Variants in CDK14 observed in about 807,000 individuals in gnomAD.
CDK14 encodes the protein cyclin dependent kinase 14.
CDK14 carries 34 observed loss-of-function variants against 60.7 expected under a neutral mutation model. The ratio of observed to expected loss-of-function variants is 0.56; its 90% CI spans 0.43 to 0.75. The LOEUF (loss-of-function observed/expected upper bound fraction) is 0.75, where lower values mean the gene tolerates loss of function less well. Ranked by LOEUF, CDK14 falls within the 30% of genes least tolerant of loss-of-function variation. The probability of loss-of-function intolerance (pLI) is 0.00; values close to 1 mark genes in which losing one functional copy is unlikely to be tolerated. For missense variants in CDK14, 482 were observed against 564.1 expected, an observed-to-expected ratio of 0.85 and a Z score of 1.47; for synonymous variants, 197 against 203.7, an observed-to-expected ratio of 0.97 and a Z score of 0.28.
At chr7:90,911,637 G>T (rs147685596) in intron 7 of CDK14, among the ~76,000 whole-genome samples, 5 of 148,674 alleles carry the variant, frequency 3.4e-5, no homozygotes, top group African/African-American at 1.2e-4. Context: ...CATTCATGGA[G>T]CAGGACACCT....
chr7:91,044,589 C>T (rs1021308291), intron 10 of CDK14, among the ~76,000 whole-genome samples: 1 of 152,132 alleles, frequency 6.6e-6, no homozygotes, highest in African/African-American at 2.4e-5. Flanking sequence ...ATGGCCTGAG[C>T]TGGTTTTTCA....
At chr7:90,788,889 T>G (rs1805710205) in intron 4 of CDK14, among the ~76,000 whole-genome samples, 3 of 152,248 alleles carry the variant, frequency 2.0e-5, no homozygotes, top group East Asian at 1.9e-4. Context: ...CCTATTAAAT[T>G]GGCAAAATCA....
intron 2 of CDK14, among the ~76,000 whole-genome samples, chr7:90,619,424 A>G (rs1252356546): frequency 6.6e-6 from 1 of 152,208 alleles, no homozygotes; most frequent in Non-Finnish European, 1.5e-5. Flanking sequence ...GTTCCATAAA[A>G]TGATATTTAC....
intron 2 of CDK14, among the ~76,000 whole-genome samples, chr7:90,614,006 CTTT>C (rs34900577): frequency 6.1e-5 from 8 of 130,796 alleles, no homozygotes; most frequent in Admixed American, 7.8e-5. Context: ...GTCCCAAACA[CTTT>C]TTTTTTTTTT....
chr7:90,965,500 AG>A (rs1322619183), intron 9 of CDK14, among the ~76,000 whole-genome samples: 4 of 152,162 alleles, frequency 2.6e-5, no homozygotes, highest in African/African-American at 9.7e-5. Context: ...TTAGTTGGAG[AG>A]GGAGTCATGG....
At chr7:90,732,316 C>T (rs1459800093) in intron 3 of CDK14, among the ~76,000 whole-genome samples, 3 of 152,040 alleles carry the variant, frequency 2.0e-5, no homozygotes, top group Non-Finnish European at 4.4e-5. Flanking sequence ...TTTGTTGTGT[C>T]TCTGCCAGGC....
At chr7:90,905,231 C>G (rs75768485) in intron 7 of CDK14, among the ~76,000 whole-genome samples, 4,244 of 152,110 alleles carry the variant, frequency 0.028, 196 homozygotes, top group East Asian at 0.18. Context: ...CTAGAAGTCT[C>G]CAGGAGAGAT....
intron 2 of CDK14, among the ~76,000 whole-genome samples, chr7:90,668,037 T>A (rs1801020961): frequency 6.6e-6 from 1 of 152,266 alleles, no homozygotes; most frequent in Non-Finnish European, 1.5e-5. Flanking sequence ...TTTTAATTTT[T>A]CTTAGTGGGT....
intron 5 of CDK14, among the ~76,000 whole-genome samples, chr7:90,801,321 A>G (rs1788624334): frequency 1.3e-5 from 2 of 152,138 alleles, no homozygotes; most frequent in East Asian, 3.9e-4. Flanking sequence ...AACTTTCTCC[A>G]ATGTGATTTA....
At chr7:91,145,438 A>T (rs896403668) in intron 14 of CDK14, among the ~76,000 whole-genome samples, 15 of 152,226 alleles carry the variant, frequency 9.9e-5, no homozygotes, top group East Asian at 3.9e-4. Context: ...TCGCAAAAAA[A>T]TTTTAATTAC....
At chr7:90,879,872 G>C (rs536027322) in intron 6 of CDK14, among the ~76,000 whole-genome samples, 1 of 151,962 alleles carries the variant, frequency 6.6e-6, no homozygotes, top group Non-Finnish European at 1.5e-5. Flanking sequence ...ACACGGGAAA[G>C]GGGAGCCCCC....
At chr7:90,950,835 C>T (rs913549177) in intron 8 of CDK14, among the ~76,000 whole-genome samples, 5 of 152,110 alleles carry the variant, frequency 3.3e-5, no homozygotes, top group Non-Finnish European at 7.4e-5. Flanking sequence ...TAAATGGAGT[C>T]ATTCAGGGAA....
At chr7:90,715,466 A>T (rs989336439) in intron 2 of CDK14, among the ~76,000 whole-genome samples, 4 of 152,046 alleles carry the variant, frequency 2.6e-5, no homozygotes, top group Non-Finnish European at 5.9e-5. Context: ...TTTTTAAATC[A>T]GAGTAGTTAA....
intron 14 of CDK14, among the ~76,000 whole-genome samples, chr7:91,153,324 A>T (rs76530520): frequency 0.061 from 9,263 of 152,282 alleles, 820 homozygotes; most frequent in East Asian, 0.47. Context: ...TGTAGACGAC[A>T]GTGTGGTGAT....
chr7:90,950,276 A>T (rs1341166061), intron 8 of CDK14, among the ~76,000 whole-genome samples: 1 of 152,020 alleles, frequency 6.6e-6, no homozygotes, highest in South Asian at 2.1e-4. Flanking sequence ...GGGTTTCACC[A>T]TGTTGGCCAG....
At chr7:90,756,564 T>C (rs1339574765) in intron 4 of CDK14, among the ~76,000 whole-genome samples, 4 of 152,222 alleles carry the variant, frequency 2.6e-5, no homozygotes, top group Non-Finnish European at 5.9e-5. Context: ...AGGAAAGCCA[T>C]TGCCTAGTTA....
intron 3 of CDK14, among the ~76,000 whole-genome samples, chr7:90,735,021 T>C (rs140260295): frequency 6.6e-6 from 1 of 152,188 alleles, no homozygotes; most frequent in Non-Finnish European, 1.5e-5. Context: ...TTTGTTGATG[T>C]TGATGCTGTT....
At chr7:90,839,952 TG>T (rs1295292635) in intron 5 of CDK14, among the ~76,000 whole-genome samples, 1 of 152,170 alleles carries the variant, frequency 6.6e-6, no homozygotes, top group East Asian at 1.9e-4. Context: ...ATATACTGCA[TG>T]CCTACTGTGT....
chr7:91,203,082 C>G (rs1802780213), intron 14 of CDK14, among the ~76,000 whole-genome samples: 1 of 151,960 alleles, frequency 6.6e-6, no homozygotes, highest in South Asian at 2.1e-4. Flanking sequence ...ATTAGATGTA[C>G]TGGAAATCAA....
Sources: gnomAD v4.1 joint callset for allele counts (sites outside exome capture counted in the v4.1 genomes callset) on GRCh38, gnomAD v4.1.1 for gene constraint, MANE v1.5 for transcripts, NCBI Gene and HGNC (gene_info 2026-07-23, HGNC 2026-07-21) for gene names.